Variants in NFIB observed in about 807,000 individuals in gnomAD.
The protein encoded by NFIB is nuclear factor I B.
NFIB carries 11 observed loss-of-function variants against 61.5 expected under a neutral mutation model. The ratio of observed to expected loss-of-function variants is 0.18; its 90% CI spans 0.11 to 0.30. The LOEUF (loss-of-function observed/expected upper bound fraction) is 0.30, where lower values mean the gene tolerates loss of function less well. Among genes scored for constraint, NFIB ranks in the 10% least tolerant of loss-of-function variants. The probability of loss-of-function intolerance (pLI) is 1.00; values close to 1 mark genes in which losing one functional copy is unlikely to be tolerated. For synonymous variants in NFIB, 260 were observed against 216.5 expected (o/e 1.20, Z -1.76); for missense variants, 471 against 608.9 (o/e 0.77, Z 2.38).
At chr9:14,147,378 C>A (rs867534124) in intron 5 of NFIB, among the ~76,000 whole-genome samples, 1 of 152,038 alleles carries the variant, frequency 6.6e-6, no homozygotes, top group South Asian at 2.1e-4. Context: ...CAAAGGCAGA[C>A]GGTTGGAAGA....
chr9:14,134,673 A>C (rs1473841613), intron 6 of NFIB, among the ~76,000 whole-genome samples: 2 of 151,902 alleles, frequency 1.3e-5, no homozygotes, highest in East Asian at 3.9e-4. Context: ...GGGTGGATCA[A>C]GTCACCTGAG....
intron 2 of NFIB, among the ~76,000 whole-genome samples, chr9:14,238,064 GGAAGAAGAGAGT>G (rs1371935834): frequency 3.8e-4 from 58 of 152,092 alleles, no homozygotes; most frequent in African/African-American, 1.4e-3. Flanking sequence ...AAAAGACCTG[GGAAGAAGAGAGT>G]GGTAGCTGGA....
chr9:14,100,105 A>T (rs538911408), intron 10 of NFIB, among the ~76,000 whole-genome samples: 9 of 152,200 alleles, frequency 5.9e-5, no homozygotes, highest in African/African-American at 1.9e-4. Context: ...AAAAACCAAG[A>T]TACCTTTTAA....
chr9:14,187,702 G>C (rs959505037), intron 2 of NFIB, among the ~76,000 whole-genome samples: 5 of 152,068 alleles, frequency 3.3e-5, no homozygotes, highest in African/African-American at 4.8e-5. Context: ...ATAAGGATTT[G>C]TTAGCGCTCA....
chr9:14,175,868 C>A (rs1418035594), intron 3 of NFIB, among the ~76,000 whole-genome samples: 1 of 152,142 alleles, frequency 6.6e-6, no homozygotes, highest in Non-Finnish European at 1.5e-5. Context: ...CACAAAACTA[C>A]CAGCCTTCCT....
At chr9:14,427,145 C>G in the NFIB span, among the ~76,000 whole-genome samples, 1 of 152,128 alleles carries the variant, frequency 6.6e-6, no homozygotes, top group Non-Finnish European at 1.5e-5. Flanking sequence ...TGATGGATTG[C>G]AAGTGCCGAT....
intron 1 of NFIB, among the ~76,000 whole-genome samples, chr9:14,331,519 A>G (rs1207186011): frequency 6.6e-6 from 1 of 152,234 alleles, no homozygotes; most frequent in Non-Finnish European, 1.5e-5. Flanking sequence ...TATAGCCAGG[A>G]TTCATTCAAT....
At chr9:14,155,974 T>C in intron 3 of NFIB, 81 bp from the exon 4 acceptor site, 1 of 835,148 alleles carries the variant, frequency 1.2e-6, no homozygotes, top group Non-Finnish European at 1.8e-6. Flanking sequence ...TTTAAGTGTT[T>C]TAAAGCCAAT....
At chr9:14,295,284 T>C (rs1190883931) in intron 2 of NFIB, among the ~76,000 whole-genome samples, 2 of 152,214 alleles carry the variant, frequency 1.3e-5, no homozygotes, top group African/African-American at 4.8e-5. Flanking sequence ...AATATGATAC[T>C]TTCGGACTTT....
In NFIB at chr9:14,086,011, A is replaced by G. The variant is rs568144928; in HGVS notation, c.*2298T>C. 37 of 229,554 alleles carry G rather than the reference A, an allele frequency of 1.6e-4. No homozygotes were observed. In the South Asian group the frequency reaches 6.6e-3, roughly 41 times the overall value. 14.2% of individuals were successfully genotyped at this position (229,554 alleles called of 1,614,324 possible). A position where few individuals can be genotyped will look rare whatever the true frequency, so the allele number is the denominator to read the frequency against. On this transcript the variant is annotated 3_prime_UTR_variant, in exon 11 of 11. Transcript: ENST00000380953. ...TCACCAAGCCAAGTCTGCCTTTTTAAGCCAAGTCTGCCTCCAGGAGAATTT... is the reference window on the plus strand; with the variant it reads ...TCACCAAGCCAAGTCTGCCTTTTTAGGCCAAGTCTGCCTCCAGGAGAATTT...
intron 10 of NFIB, among the ~76,000 whole-genome samples, chr9:14,109,221 T>C (rs1455874050): frequency 6.6e-6 from 1 of 152,074 alleles, no homozygotes; most frequent in Non-Finnish European, 1.5e-5. Flanking sequence ...ATAATTTCTA[T>C]ATTTCCTAAG....
chr9:14,165,207 A>G (rs10961400), intron 3 of NFIB, among the ~76,000 whole-genome samples: 17,516 of 152,094 alleles, frequency 0.12, 1,278 homozygotes, highest in East Asian at 0.37. Context: ...TTAGGTTCCA[A>G]TGTTATTTAC....
intron 6 of NFIB, among the ~76,000 whole-genome samples, chr9:14,135,109 T>C (rs746999390): frequency 6.6e-6 from 1 of 152,122 alleles, no homozygotes; most frequent in Non-Finnish European, 1.5e-5. Flanking sequence ...GAAGTTATCT[T>C]TATGTGATGA....
chr9:14,428,825 C>T, the NFIB span, among the ~76,000 whole-genome samples: 1 of 152,140 alleles, frequency 6.6e-6, no homozygotes, highest in Non-Finnish European at 1.5e-5. Flanking sequence ...TAGGACCTCC[C>T]TTCAGAAAAC....
intron 2 of NFIB, among the ~76,000 whole-genome samples, chr9:14,230,980 G>A (rs939740454): frequency 2.3e-4 from 34 of 148,166 alleles, no homozygotes; most frequent in Admixed American, 1.7e-3. Context: ...AAGGGGGAGC[G>A]GAGAAATGGA....
At chr9:14,150,112 A>G (rs550168765) in intron 5 of NFIB, 33 bp downstream of exon 5, 55 of 1,612,484 alleles carry the variant, frequency 3.4e-5, no homozygotes, top group Non-Finnish European at 4.2e-5. Context: ...TGTGTGTATC[A>G]CTTGAGAATA....
At chr9:14,200,907 T>A (rs988887732) in intron 2 of NFIB, among the ~76,000 whole-genome samples, 3 of 152,194 alleles carry the variant, frequency 2.0e-5, no homozygotes, top group African/African-American at 7.2e-5. Flanking sequence ...GTGCACAACC[T>A]TTGTACACTC....
At chr9:14,522,608 G>A in the NFIB span, among the ~76,000 whole-genome samples, 28 of 152,072 alleles carry the variant, frequency 1.8e-4, no homozygotes, top group African/African-American at 6.3e-4. Context: ...TAGGACTATC[G>A]ATAATAGCAA....
intron 1 of NFIB, among the ~76,000 whole-genome samples, chr9:14,384,209 T>G (rs1225185136): frequency 1.3e-5 from 2 of 152,218 alleles, no homozygotes; most frequent in Non-Finnish European, 1.5e-5. Context: ...CAACATCTAC[T>G]GTCAGCTCCC....
Sources: allele counts gnomAD v4.1 joint callset (sites outside exome capture counted in the v4.1 genomes callset), GRCh38; gene constraint gnomAD v4.1.1; transcripts MANE v1.5; gene names NCBI Gene and HGNC (gene_info 2026-07-23, HGNC 2026-07-21).